The following OSBPL10 variants were observed in gnomAD, a reference collection of about 807,000 sequenced individuals.
OSBPL10 encodes oxysterol-binding protein-related protein 10.
In OSBPL10, 49 loss-of-function variants were observed where a neutral mutation model predicts 81.7. The ratio of observed to expected loss-of-function variants is 0.60; its 90% CI spans 0.48 to 0.76. The LOEUF (loss-of-function observed/expected upper bound fraction) is 0.76. OSBPL10 is among the 30% of genes least tolerant of loss of function. The probability of loss-of-function intolerance (pLI) is 0.00; values close to 1 mark genes in which losing one functional copy is unlikely to be tolerated. For synonymous variants in OSBPL10, 419 were observed against 383.6 expected (o/e 1.09, Z -1.08); for missense variants, 923 against 987.8 (o/e 0.93, Z 0.88).
intron 1 of OSBPL10, among the ~76,000 whole-genome samples, chr3:31,886,692 A>G (rs1230070673): frequency 2.6e-5 from 4 of 152,312 alleles, no homozygotes; most frequent in South Asian, 2.1e-4. Flanking sequence ...CTGTAATCCC[A>G]GCACTTTGGG....
chr3:32,073,487 T>C (rs1201108978), intron 1 of OSBPL10, among the ~76,000 whole-genome samples: 1 of 152,178 alleles, frequency 6.6e-6, no homozygotes, highest in Non-Finnish European at 1.5e-5. Context: ...ACAGACAGCC[T>C]GATATCTTCT....
chr3:31,725,260 C>T (rs954672171), intron 6 of OSBPL10, among the ~76,000 whole-genome samples: 5 of 152,088 alleles, frequency 3.3e-5, no homozygotes, highest in African/African-American at 1.2e-4. Context: ...GAACACAGAA[C>T]GAACTAATTG....
At chr3:31,818,149 G>C (rs1437988710) in intron 4 of OSBPL10, among the ~76,000 whole-genome samples, 1 of 152,012 alleles carries the variant, frequency 6.6e-6, no homozygotes, top group Non-Finnish European at 1.5e-5. Context: ...GTTTCTGTGA[G>C]GGTGCTTTTT....
chr3:32,066,780 G>C (rs1251409388), intron 1 of OSBPL10, among the ~76,000 whole-genome samples: 1 of 152,110 alleles, frequency 6.6e-6, no homozygotes, highest in Non-Finnish European at 1.5e-5. Context: ...ACAATGAAAG[G>C]CCCATCTTAA....
At chr3:32,001,814 C>G (rs894741378) in intron 2 of OSBPL10, among the ~76,000 whole-genome samples, 1 of 151,946 alleles carries the variant, frequency 6.6e-6, no homozygotes, top group Middle Eastern at 3.2e-3. Flanking sequence ...CCCAGAGGGT[C>G]CCCAGGACAA....
intron 1 of OSBPL10, among the ~76,000 whole-genome samples, chr3:32,050,684 G>A (rs1170261673): frequency 3.5e-5 from 5 of 143,078 alleles, no homozygotes; most frequent in African/African-American, 5.1e-5. Flanking sequence ...TTTTTGAGAT[G>A]AAGTTTCGCT....
chr3:31,921,464 G>C (rs1038495109), intron 1 of OSBPL10, among the ~76,000 whole-genome samples: 1 of 152,048 alleles, frequency 6.6e-6, no homozygotes, highest in Admixed American at 6.6e-5. Context: ...CAATGATGGG[G>C]GTATGTCAAA....
Position 31,674,402 on chromosome 3 carries a change from A to T in OSBPL10, c.1727-3419T>A, listed in dbSNP as rs566803631. 3.4e-4 allele frequency among the ~76,000 whole-genome samples: 51 copies of T among 151,858 alleles called. No individual in the cohort carries two copies. The Middle Eastern group carries it at 0.01, about 30-fold the overall frequency. On this transcript the variant is annotated intron_variant, in intron 8 of 11. Coordinates refer to ENST00000396556, the MANE Select transcript of OSBPL10 (RefSeq NM_017784.5). ...AGCCTCATTTCTATAAAAAAATTTT[A>T]AAAAAAAATTAGCTGTGCATGGTGG...
intron 1 of OSBPL10, among the ~76,000 whole-genome samples, chr3:31,960,829 T>A (rs890462801): frequency 1.3e-5 from 2 of 152,054 alleles, no homozygotes; most frequent in Non-Finnish European, 2.9e-5. Context: ...TTACCAGCAC[T>A]CTCTCTTACA....
intron 4 of OSBPL10, among the ~76,000 whole-genome samples, chr3:31,784,815 C>T (rs1181319156): frequency 1.4e-5 from 2 of 139,042 alleles, no homozygotes; most frequent in Non-Finnish European, 3.0e-5. Flanking sequence ...ACTCCTAGCC[C>T]CAAGTGATTC....
chr3:32,022,297 C>A (rs980470460), intron 2 of OSBPL10, among the ~76,000 whole-genome samples: 3 of 152,162 alleles, frequency 2.0e-5, no homozygotes, highest in African/African-American at 7.2e-5. Flanking sequence ...TTGCAGGGCA[C>A]CAAACAGGGA....
chr3:31,977,886 A>T (rs2125501076), intron 1 of OSBPL10, among the ~76,000 whole-genome samples: 1 of 152,304 alleles, frequency 6.6e-6, no homozygotes, highest in South Asian at 2.1e-4. Flanking sequence ...ATTCTCATCC[A>T]GTGAGTGTGA....
intron 6 of OSBPL10, chr3:31,732,990 C>T: frequency 2.0e-6 from 1 of 496,934 alleles, no homozygotes; most frequent in Non-Finnish European, 3.5e-6. Context: ...ATTTCTCCCA[C>T]TTGAAGTTAA....
At chr3:31,843,400 A>G (rs1700548622) in intron 3 of OSBPL10, among the ~76,000 whole-genome samples, 3 of 152,232 alleles carry the variant, frequency 2.0e-5, no homozygotes, top group Admixed American at 1.3e-4. Context: ...AGCTGTAATC[A>G]GCACAAAAGC....
chr3:31,727,676 G>A (rs1696851042), intron 6 of OSBPL10, among the ~76,000 whole-genome samples: 1 of 152,088 alleles, frequency 6.6e-6, no homozygotes, highest in Non-Finnish European at 1.5e-5. Flanking sequence ...TGTGCCACCT[G>A]TTTCAAACAA....
intron 4 of OSBPL10, among the ~76,000 whole-genome samples, chr3:31,777,731 CAT>C (rs767087688): frequency 2.6e-5 from 4 of 152,320 alleles, no homozygotes; most frequent in Non-Finnish European, 5.9e-5. Flanking sequence ...CCTCCAAACA[CAT>C]GTCTCCACTG....
rs555527834 is a variant in OSBPL10, at chr3:31,875,082, TAAAA to T, written c.537+1347_537+1350del. On this transcript the variant is annotated intron_variant, in intron 3 of 11. Coordinates refer to ENST00000396556, the MANE Select transcript of OSBPL10 (RefSeq NM_017784.5). ...AAAAAGATCTCCAAAATATATTAAG[TAAAA>T]AAAAAAAAAAAAAAAGGAGAAAACA... is the stretch of plus-strand genomic sequence containing the variant. Among the ~76,000 whole-genome samples, 3 of 103,062 alleles carry T rather than the reference TAAAA, an allele frequency of 2.9e-5. No homozygotes were observed. The East Asian group carries it at 7.6e-4, about 26-fold the overall frequency. 67.6% of individuals were successfully genotyped at this position (103,062 alleles called of 152,430 possible).
chr3:31,734,709 G>T (rs1697095960), intron 5 of OSBPL10, among the ~76,000 whole-genome samples: 1 of 152,184 alleles, frequency 6.6e-6, no homozygotes, highest in Admixed American at 6.5e-5. Flanking sequence ...CTGCACTCCA[G>T]CCTTGGTGAC....
chr3:31,968,943 G>A (rs1698479685), intron 1 of OSBPL10, among the ~76,000 whole-genome samples: 1 of 152,140 alleles, frequency 6.6e-6, no homozygotes, highest in African/African-American at 2.4e-5. Context: ...ATGAATGTAC[G>A]ACAAATGCTC....
Sources: allele counts gnomAD v4.1 joint callset (sites outside exome capture counted in the v4.1 genomes callset), GRCh38; gene constraint gnomAD v4.1.1; transcripts MANE v1.5; gene names NCBI Gene and HGNC (gene_info 2026-07-23, HGNC 2026-07-21).